Variants in ABCC6 observed in about 807,000 individuals in gnomAD.
The protein encoded by ABCC6 is ATP binding cassette subfamily C member 6.
In ABCC6, 126 loss-of-function variants were observed where a neutral mutation model predicts 169.5. The ratio of observed to expected loss-of-function variants is 0.74; its 90% CI spans 0.64 to 0.86. The LOEUF is 0.86. Among genes scored for constraint, ABCC6 ranks in the 40% least tolerant of loss-of-function variants. The probability of loss-of-function intolerance (pLI) is 0.00; values close to 1 mark genes in which losing one functional copy is unlikely to be tolerated. For synonymous variants in ABCC6, 752 were observed against 814.7 expected, an observed-to-expected ratio of 0.92 and a Z score of 1.31; for missense variants, 1,733 against 1,927.2, an observed-to-expected ratio of 0.90 and a Z score of 1.89.
In ABCC6 at chr16:16,201,753, G is replaced by A. The variant is rs536753728; in HGVS notation, c.1176+248C>T. Reference sequence around the variant, plus strand: ...TGAGGCAGGAGAATCACTTGAACCCGGGAGGCGGAGGTTGCAGTGAGCCGA... The same window carrying A: ...TGAGGCAGGAGAATCACTTGAACCCAGGAGGCGGAGGTTGCAGTGAGCCGA... On this transcript the variant is annotated intron_variant, in intron 9 of 30. Transcript: ENST00000205557. 1.5e-4 allele frequency among the ~76,000 whole-genome samples: 23 copies of A among 152,244 alleles called. No individual in the cohort carries two copies. The South Asian group carries it at 2.1e-3, about 14-fold the overall frequency.
At position 16,194,889 on chromosome 16, in the gene ABCC6, A is replaced by G. The variant is rs151171920; in HGVS notation, c.1339-1967T>C. On this transcript the variant is annotated intron_variant, in intron 10 of 30. Coordinates refer to ENST00000205557, the MANE Select transcript of ABCC6 (RefSeq NM_001171.6). ...GAGATGGGGTTTCACCACGTTGCCCAGGCTGGTCTCGAACTCCTGGCCTCA... is the reference window on the plus strand; with the variant it reads ...GAGATGGGGTTTCACCACGTTGCCCGGGCTGGTCTCGAACTCCTGGCCTCA... Among the ~76,000 whole-genome samples the G allele has an allele frequency of 4.1e-3, 631 of 152,210 alleles. 1 individual carries two copies. Among genetic ancestry groups the G allele is most frequent in the African/African-American group, 0.015 (604 of 41,524 alleles).
Position 16,195,690 on chromosome 16 carries a change from CCT to C in ABCC6, c.1338+2329_1338+2330del, listed in dbSNP as rs957343877. 8.5e-4 allele frequency among the ~76,000 whole-genome samples: 129 copies of C among 152,216 alleles called. 1 individual carries two copies. Among genetic ancestry groups the C allele is most frequent in the African/African-American group, 2.9e-3 (121 of 41,538 alleles). The stretch of plus-strand genomic sequence containing the variant: ...AATTTTCCCATGTTCTTCCTCTCTC[CCT>C]CTCTTTCTTCCTAATGATGACATTT... On this transcript the variant is annotated intron_variant, in intron 10 of 30. Transcript: ENST00000205557.
chr16:16,184,227 A>G (rs997796555), intron 15 of ABCC6: 25 of 146,720 alleles, frequency 1.7e-4, no homozygotes, highest in Non-Finnish European at 2.6e-4. Context: ...AAAAAAAAAA[A>G]GAACAGCTCT....
intron 2 of ABCC6, chr16:16,221,232 C>T: frequency 1.9e-6 from 2 of 1,048,956 alleles, no homozygotes. Flanking sequence ...AAGGTAAATA[C>T]ATATCACATA....
chr16:16,215,717 G>A (rs1239419864), intron 4 of ABCC6, among the ~76,000 whole-genome samples: 5 of 150,920 alleles, frequency 3.3e-5, no homozygotes, highest in East Asian at 2.0e-4. Context: ...CAGGTGATCC[G>A]CCTGCCTTGG....
At chr16:16,165,991 G>A (rs778515618) in intron 22 of ABCC6, 58 bp from the exon 23 acceptor site, 26 of 1,554,934 alleles carry the variant, frequency 1.7e-5, no homozygotes, top group East Asian at 2.3e-5. Context: ...AGCGGCCCAC[G>A]GGGCCCTGCG....
intron 22 of ABCC6, among the ~76,000 whole-genome samples, chr16:16,166,254 G>T (rs2046871258): frequency 1.3e-5 from 2 of 151,998 alleles, no homozygotes; most frequent in Admixed American, 6.5e-5. Context: ...TTGCTATGCT[G>T]TCCAGGCTGG....
chr16:16,157,362 T>C (rs1295855078), intron 27 of ABCC6, among the ~76,000 whole-genome samples: 1 of 152,048 alleles, frequency 6.6e-6, no homozygotes, highest in Non-Finnish European at 1.5e-5. Context: ...AACTGGAAAA[T>C]GTACCTGGAG....
At chr16:16,190,027 G>C (rs2047793340) in intron 12 of ABCC6, 137 bp downstream of exon 12, 1 of 890,144 alleles carries the variant, frequency 1.1e-6, no homozygotes, top group Non-Finnish European at 1.8e-6. Context: ...CAGGGACCCA[G>C]AGAGAACAGG....
At chr16:16,159,394 A>G in intron 26 of ABCC6, 88 bp downstream of exon 26, 1 of 1,268,678 alleles carries the variant, frequency 7.9e-7, no homozygotes, top group Non-Finnish European at 1.1e-6. Context: ...ATAAACTCCA[A>G]AGCCTGTAGC....
chr16:16,157,683 T>TGAAG lies in ABCC6; in HGVS notation c.3858_3861dup (p.Lys1288LeufsTer34). 1 of 1,613,828 alleles carries TGAAG rather than the reference T, an allele frequency of 6.2e-7. No homozygotes were observed. Among genetic ancestry groups the TGAAG allele is most frequent in the Non-Finnish European group, 8.5e-7 (1 of 1,179,992 alleles). Reference sequence around the variant, plus strand: ...CTCACCTTCTCTCCTGCGTGGATCTTGAAGGACACGCCCTGCACAGCCAGC... The same window carrying TGAAG: ...CTCACCTTCTCTCCTGCGTGGATCTTGAAGGAAGGACACGCCCTGCACAGCCAGC... On this transcript the variant is annotated frameshift_variant, in exon 27 of 31. Transcript: ENST00000205557. LOFTEE classifies it high-confidence loss of function.
At chr16:16,185,088 C>T (rs2047606180) in intron 14 of ABCC6, 54 bp from the exon 15 acceptor site, 22 of 1,537,484 alleles carry the variant, frequency 1.4e-5, no homozygotes, top group Non-Finnish European at 1.5e-5. Context: ...CCGGCCTCTG[C>T]ATCGGAGAGG....
At chr16:16,165,574 G>A (rs1238026841) in intron 23 of ABCC6, 49 bp downstream of exon 23, 1 of 1,601,528 alleles carries the variant, frequency 6.2e-7, no homozygotes, top group Non-Finnish European at 8.5e-7. Flanking sequence ...CAGGGGACTG[G>A]CTGAGTTGAC....
intron 22 of ABCC6, among the ~76,000 whole-genome samples, chr16:16,166,920 A>AACAG (rs1304141238): frequency 6.6e-6 from 1 of 150,528 alleles, no homozygotes; most frequent in Non-Finnish European, 1.5e-5. Context: ...CAAACAAACA[A>AACAG]AAAAACCAAA....
In ABCC6 at chr16:16,159,370, G is replaced by C. The variant is rs990054915; in HGVS notation, c.3735+112C>G. Reference sequence around the variant, plus strand: ...ACCTATAGTGGTGGGGGTTGAGTGAGGGGAGAAGAGGGTATAAACTCCAAA... The same window carrying C: ...ACCTATAGTGGTGGGGGTTGAGTGACGGGAGAAGAGGGTATAAACTCCAAA... On this transcript the variant is annotated intron_variant, in intron 26 of 30. Coordinates refer to ENST00000205557, the MANE Select transcript of ABCC6 (RefSeq NM_001171.6). 5 of 993,798 alleles carry C rather than the reference G, an allele frequency of 5.0e-6. No individual in the cohort carries two copies. The Admixed American group carries it at 9.9e-5, about 20-fold the overall frequency. The allele number at this position is 993,798 out of a possible 1,614,324, so 61.6% of individuals were successfully genotyped here.
intron 10 of ABCC6, among the ~76,000 whole-genome samples, chr16:16,194,759 T>G (rs1364036552): frequency 1.3e-5 from 2 of 152,076 alleles, no homozygotes; most frequent in African/African-American, 4.8e-5. Context: ...CTCATGATCT[T>G]GGCTCACTGC....
intron 15 of ABCC6, 143 bp downstream of exon 15, chr16:16,184,816 C>A: frequency 1.2e-6 from 1 of 867,418 alleles, no homozygotes; most frequent in Non-Finnish European, 1.9e-6. Context: ...GAGAACCTCC[C>A]CGGCAGAGCC....
chr16:16,161,691 G>A, intron 24 of ABCC6, 127 bp from the exon 25 acceptor site: 1 of 1,261,360 alleles, frequency 7.9e-7, no homozygotes, highest in Non-Finnish European at 1.1e-6. Flanking sequence ...GCCTCCACAT[G>A]CAACCCAGGC....
At chr16:16,171,963 G>A (rs1455537622) in intron 21 of ABCC6, among the ~76,000 whole-genome samples, 3 of 127,866 alleles carry the variant, frequency 2.3e-5, no homozygotes, top group East Asian at 3.2e-4. Flanking sequence ...TGAGTGGTTG[G>A]GTGGGTGGGA....
Sources: allele counts gnomAD v4.1 joint callset (sites outside exome capture counted in the v4.1 genomes callset), GRCh38; gene constraint gnomAD v4.1.1; transcripts MANE v1.5; gene names NCBI Gene and HGNC (gene_info 2026-07-23, HGNC 2026-07-21).